Variants in CHSY1 observed in about 807,000 individuals in gnomAD.
CHSY1 encodes chondroitin sulfate synthase 1.
In CHSY1, 13 loss-of-function variants were observed where a neutral mutation model predicts 59.8. That is an observed-to-expected ratio of 0.22 (90% CI 0.14 to 0.35). The LOEUF is 0.35. Ranked by LOEUF, CHSY1 falls within the 10% of genes least tolerant of loss-of-function variation. The probability of loss-of-function intolerance (pLI) is 1.00; values close to 1 mark genes in which losing one functional copy is unlikely to be tolerated. For synonymous variants in CHSY1, 459 were observed against 401.2 expected (o/e 1.14, Z -1.72); for missense variants, 947 against 1,030.6 (o/e 0.92, Z 1.11).
intron 2 of CHSY1, among the ~76,000 whole-genome samples, chr15:101,220,093 G>C (rs1328920486): frequency 4.6e-5 from 7 of 152,154 alleles, no homozygotes; most frequent in Admixed American, 2.0e-4. Flanking sequence ...CTTTTGATAA[G>C]AATCTCCCAA....
chr15:101,243,735 C>T (rs2039025226), intron 1 of CHSY1, among the ~76,000 whole-genome samples: 1 of 152,222 alleles, frequency 6.6e-6, no homozygotes, highest in African/African-American at 2.4e-5. Flanking sequence ...CAAAACCTGC[C>T]GGTCAAGGAC....
chr15:101,217,153 A>G (rs947987484), intron 2 of CHSY1, among the ~76,000 whole-genome samples: 6 of 152,350 alleles, frequency 3.9e-5, no homozygotes, highest in African/African-American at 1.4e-4. Flanking sequence ...GTACACTGAA[A>G]TTACAGAATT....
In CHSY1 at chr15:101,241,097, C is replaced by CT. The variant is rs532735584; in HGVS notation, c.321-5521dup. On this transcript the variant is annotated intron_variant, in intron 1 of 2. Transcript: ENST00000254190. ...GGAAAACCAGAAAGGATTTAATAGT[C>CT]TTTTTTTTTGTTTTCTGAGACGGAG... Among the ~76,000 whole-genome samples the CT allele has an allele frequency of 1.8e-3, 279 of 151,660 alleles. 4 individuals are homozygous for CT. In the East Asian group the frequency reaches 0.043, roughly 23 times the overall value.
intron 2 of CHSY1, among the ~76,000 whole-genome samples, chr15:101,205,510 T>C (rs1030582171): frequency 6.6e-6 from 1 of 152,208 alleles, no homozygotes; most frequent in Non-Finnish European, 1.5e-5. Context: ...TAGCTACTTG[T>C]GAAAAGACAC....
At chr15:101,242,908 C>T (rs1014428292) in intron 1 of CHSY1, among the ~76,000 whole-genome samples, 1 of 152,178 alleles carries the variant, frequency 6.6e-6, no homozygotes, top group African/African-American at 2.4e-5. Flanking sequence ...AATCTCAAAC[C>T]CTTTTTGAAA....
intron 2 of CHSY1, among the ~76,000 whole-genome samples, chr15:101,210,967 T>C (rs1381385449): frequency 2.0e-5 from 3 of 152,206 alleles, no homozygotes; most frequent in African/African-American, 7.2e-5. Context: ...GCAGACAATA[T>C]TAAACTATTA....
intron 2 of CHSY1, among the ~76,000 whole-genome samples, chr15:101,204,697 G>A (rs953386513): frequency 1.3e-5 from 2 of 151,026 alleles, no homozygotes; most frequent in African/African-American, 4.9e-5. Context: ...TGAGGACAGG[G>A]GTTCAAGACC....
chr15:101,202,870 A>G (rs2038588048), intron 2 of CHSY1, among the ~76,000 whole-genome samples: 1 of 152,242 alleles, frequency 6.6e-6, no homozygotes, highest in Non-Finnish European at 1.5e-5. Flanking sequence ...ATATTTTACC[A>G]TCATGAACCA....
intron 1 of CHSY1, chr15:101,242,719 G>C (rs1277580357): frequency 6.6e-6 from 1 of 152,248 alleles, no homozygotes; most frequent in Non-Finnish European, 1.5e-5. Flanking sequence ...ATCCCCTCTG[G>C]CAGGATGTTG....
At chr15:101,227,894 C>T (rs370688753) in intron 2 of CHSY1, among the ~76,000 whole-genome samples, 16 of 151,842 alleles carry the variant, frequency 1.1e-4, no homozygotes, top group South Asian at 8.3e-4. Context: ...TCTGAAAAGA[C>T]ACTAAACAAA....
chr15:101,229,965 C>T (rs1441762127), intron 2 of CHSY1, among the ~76,000 whole-genome samples: 4 of 147,162 alleles, frequency 2.7e-5, no homozygotes, highest in African/African-American at 1.0e-4. Context: ...TTTTTTGAGA[C>T]GGAGTTTTGC....
At chr15:101,246,636 G>T (rs2039055679) in intron 1 of CHSY1, among the ~76,000 whole-genome samples, 1 of 152,162 alleles carries the variant, frequency 6.6e-6, no homozygotes, top group African/African-American at 2.4e-5. Context: ...AACTGGTAGG[G>T]AAATGAGAAC....
At chr15:101,182,481 C>T (rs1466744423) in intron 2 of CHSY1, among the ~76,000 whole-genome samples, 2 of 152,190 alleles carry the variant, frequency 1.3e-5, no homozygotes, top group South Asian at 2.1e-4. Context: ...ATGAATGCTG[C>T]ATCTTAGTCC....
chr15:101,248,918 C>T (rs1480364853), intron 1 of CHSY1, among the ~76,000 whole-genome samples: 3 of 151,002 alleles, frequency 2.0e-5, no homozygotes, highest in African/African-American at 7.3e-5. Flanking sequence ...TCCCGAGTAG[C>T]TGGGACTACA....
chr15:101,251,325 G>A lies in CHSY1; in HGVS notation c.132C>T (p.Ser44=). 2.7e-6 allele frequency: 3 copies of A among 1,125,750 alleles called. No individual in the cohort carries two copies. Among genetic ancestry groups the A allele is most frequent in the South Asian group, 2.3e-5 (1 of 43,924 alleles). The allele number at this position is 1,125,750 out of a possible 1,614,324, so 69.7% of individuals were successfully genotyped here. A position where few individuals can be genotyped will look rare whatever the true frequency, so the allele number is the denominator to read the frequency against. The change falls in exon 1 of 3, where the codon AGC becomes AGT. Residue 44 remains serine, a synonymous_variant. Coordinates refer to ENST00000254190, the MANE Select transcript of CHSY1 (RefSeq NM_014918.5). ...LKRAGPRRRA[S]PEGCRSGQAA... ...CCTGCCCGGACCGGCAGCCCTCGGG[G>A]CTGGCGCGGCGCCGTGGGCCCGCTC...
rs1318927505 is a variant in CHSY1, at chr15:101,178,038, T to C, written c.1759A>G (p.Met587Val). ...NPDKAKQVEL[M>V]RDYRIKYPKA... ...GGGTACTTAATGCGGTAATCTCTCA[T>C]CAGTTCAACTTGTTTGGCCTTGTCA... The change falls in exon 3 of 3, where the codon ATG (methionine) becomes GTG (valine). Residue 587 changes from methionine to valine, a missense_variant. Met to Val is a conservative substitution (Grantham distance 21). This residue lies in a region of CHSY1 where 602 missense variants were observed against 676.9 expected (regional missense o/e 0.89). Coordinates refer to ENST00000254190, the MANE Select transcript of CHSY1 (RefSeq NM_014918.5). 3.7e-6 allele frequency: 6 copies of C among 1,614,058 alleles called. No homozygotes were observed. The South Asian group carries it at 5.5e-5, about 15-fold the overall frequency.
At chr15:101,213,394 GA>G (rs2038701608) in intron 2 of CHSY1, among the ~76,000 whole-genome samples, 1 of 145,708 alleles carries the variant, frequency 6.9e-6, no homozygotes, top group East Asian at 2.3e-4. Context: ...GTAGAGGAAG[GA>G]AAAAAACAAA....
intron 2 of CHSY1, chr15:101,187,881 C>T (rs1014552660): frequency 3.7e-6 from 1 of 267,754 alleles, no homozygotes; most frequent in African/African-American, 2.3e-5. Context: ...CTGCGTCATT[C>T]TCCAGTGAAT....
intron 2 of CHSY1, chr15:101,188,128 A>G (rs2038394266): frequency 1.0e-6 from 1 of 985,370 alleles, no homozygotes; most frequent in Non-Finnish European, 1.2e-6. Context: ...CCTCAGCTAC[A>G]GACCATCACT....
Sources: gnomAD v4.1 joint callset for allele counts (sites outside exome capture counted in the v4.1 genomes callset) on GRCh38, gnomAD v4.1.1 for gene constraint, gnomAD v4.1.1 regional missense constraint, MANE v1.5 for transcripts, NCBI Gene and HGNC (gene_info 2026-07-23, HGNC 2026-07-21) for gene names.